Variants in PRDM16 observed in about 807,000 individuals in gnomAD.
The protein encoded by PRDM16 is histone-lysine N-methyltransferase PRDM16.
PRDM16 carries 23 observed loss-of-function variants against 110.6 expected under a neutral mutation model. That is an observed-to-expected ratio of 0.21 (90% CI 0.15 to 0.29). The LOEUF (loss-of-function observed/expected upper bound fraction) is 0.29. Ranked by LOEUF, PRDM16 falls within the 10% of genes least tolerant of loss-of-function variation. The pLI is 1.00. For synonymous variants in PRDM16, 799 were observed against 781.8 expected, an observed-to-expected ratio of 1.02 and a Z score of -0.37; for missense variants, 1,615 against 1,794.3, an observed-to-expected ratio of 0.90 and a Z score of 1.81.
intron 10 of PRDM16, 98 bp downstream of exon 10, chr1:3,414,745 C>G: frequency 2.2e-6 from 2 of 921,548 alleles, no homozygotes; most frequent in Non-Finnish European, 3.4e-6. Flanking sequence ...GAGCCTAAGT[C>G]CCCGTCCAGG....
intron 9 of PRDM16, 62 bp downstream of exon 9, chr1:3,412,862 G>A (rs1002524838): frequency 1.5e-6 from 2 of 1,325,428 alleles, no homozygotes; most frequent in Non-Finnish European, 2.0e-6. Context: ...TGCTGGGCGG[G>A]CTCAGTGCAT....
intron 1 of PRDM16, among the ~76,000 whole-genome samples, chr1:3,147,046 G>T (rs1282503393): frequency 1.2e-4 from 17 of 146,346 alleles, no homozygotes; most frequent in Admixed American, 6.1e-4. Flanking sequence ...TGGGGTGTGT[G>T]TGCACGTGTG....
In PRDM16 at chr1:3,173,202, G is replaced by A. The variant is rs141931050; in HGVS notation, c.38-12923G>A. Among the ~76,000 whole-genome samples the A allele has an allele frequency of 2.4e-3, 371 of 152,350 alleles. 3 individuals carry two copies. The highest frequency in any genetic ancestry group is 8.6e-3 in the African/African-American group (356 of 41,584). On this transcript the variant is annotated intron_variant, in intron 1 of 16. Transcript: ENST00000270722. The stretch of plus-strand genomic sequence containing the variant: ...CCGTGGCTACCTTGCTGCCCCCGGG[G>A]CTCAGGGAAGTGGTATATTAACCAA...
intron 1 of PRDM16, among the ~76,000 whole-genome samples, chr1:3,181,007 C>T (rs879901848): frequency 0.016 from 2,349 of 147,148 alleles, 60 homozygotes; most frequent in Non-Finnish European, 0.025. Flanking sequence ...ATCTTACACG[C>T]GGTCTTACAA....
rs1640266616 is a variant in PRDM16, at chr1:3,265,579, C to T, written c.438+21442C>T. ...GGTTCATGGGAAGAGGAGAAGGGGT[C>T]GTCCTGGTGGGAGAGGGAGAAGCAG... On this transcript the variant is annotated intron_variant, in intron 3 of 16. Transcript: ENST00000270722. The surrounding 1 kb of genome is among the most constrained non-coding windows in gnomAD (Gnocchi z 4.5). 6.6e-6 allele frequency among the ~76,000 whole-genome samples: 1 copy of T among 152,026 alleles called. No individual in the cohort carries two copies. Among genetic ancestry groups the T allele is most frequent in the Non-Finnish European group, 1.5e-5 (1 of 67,990 alleles).
Position 3,225,883 on chromosome 1 carries a change from C to G in PRDM16, c.388-18204C>G, listed in dbSNP as rs1205739660. Reference sequence around the variant, plus strand: ...ATGTGTGGGCACCGCACAGGCAAAGCCGGTGGCATGCTCCAATGCAAGGCC... The same window carrying G: ...ATGTGTGGGCACCGCACAGGCAAAGGCGGTGGCATGCTCCAATGCAAGGCC... On this transcript the variant is annotated intron_variant, in intron 2 of 16. Coordinates refer to ENST00000270722, the MANE Select transcript of PRDM16 (RefSeq NM_022114.4). Among the ~76,000 whole-genome samples the G allele has an allele frequency of 2.0e-5, 3 of 152,322 alleles. No homozygotes were observed. In the East Asian group the frequency reaches 5.8e-4, roughly 29 times the overall value.
At chr1:3,369,448 A>G (rs1018057227) in intron 3 of PRDM16, among the ~76,000 whole-genome samples, 1 of 152,234 alleles carries the variant, frequency 6.6e-6, no homozygotes, top group Non-Finnish European at 1.5e-5. Context: ...CAGATCATCC[A>G]GGAAGGAGCC....
intron 1 of PRDM16, among the ~76,000 whole-genome samples, chr1:3,172,631 C>A (rs1471444397): frequency 6.6e-6 from 1 of 152,192 alleles, no homozygotes; most frequent in Admixed American, 6.5e-5. Flanking sequence ...AAGGAAACGG[C>A]GACACACGCC....
In PRDM16 at chr1:3,263,017, C is replaced by T. The variant is rs534590741; in HGVS notation, c.438+18880C>T. Among the ~76,000 whole-genome samples the T allele has an allele frequency of 4.6e-5, 7 of 152,256 alleles. No individual in the cohort carries two copies. In the South Asian group the frequency reaches 1.0e-3, roughly 23 times the overall value. On this transcript the variant is annotated intron_variant, in intron 3 of 16. Coordinates refer to ENST00000270722, the MANE Select transcript of PRDM16 (RefSeq NM_022114.4). The stretch of plus-strand genomic sequence containing the variant: ...TCTGTTTCAGATGGAGGTGCCCCGG[C>T]GGATGAGGCATCGCAGGGGCACCAG...
chr1:3,192,233 C>T (rs969630333), intron 2 of PRDM16, among the ~76,000 whole-genome samples: 6 of 152,210 alleles, frequency 3.9e-5, no homozygotes, highest in African/African-American at 1.4e-4. Flanking sequence ...TGGGGATCAT[C>T]CGTGTCGCCA....
At chr1:3,111,644 C>T (rs758352428) in intron 1 of PRDM16, among the ~76,000 whole-genome samples, 6 of 152,036 alleles carry the variant, frequency 3.9e-5, no homozygotes, top group Non-Finnish European at 5.9e-5. Flanking sequence ...AGGTCAGGGG[C>T]GCACGCCCCC....
chr1:3,405,548 C>T lies in PRDM16; in HGVS notation c.1086C>T (p.Gly362=), dbSNP rs1003379939. The T allele has an allele frequency of 5.6e-6, 9 of 1,607,228 alleles. No individual in the cohort carries two copies. Among genetic ancestry groups the T allele is most frequent in the East Asian group, 2.2e-5 (1 of 44,488 alleles). ...GGCACATCCGCTCGCAGCACGTGGG[C>T]GCTCGGGCCCACGCCTGCCCCGACT... is the stretch of plus-strand genomic sequence containing the variant. ...LQRHIRSQHV[G]ARAHACPDCG... The change falls in exon 8 of 17, where the codon GGC becomes GGT. Residue 362 remains glycine (G), a synonymous_variant. Coordinates refer to ENST00000270722, the MANE Select transcript of PRDM16 (RefSeq NM_022114.4).
intron 3 of PRDM16, among the ~76,000 whole-genome samples, chr1:3,252,439 G>A (rs973171050): frequency 1.3e-5 from 2 of 151,170 alleles, no homozygotes; most frequent in Admixed American, 6.8e-5. Flanking sequence ...CCAGAAGAAG[G>A]CTCTGGGGAG....
chr1:3,235,537 C>T (rs752265919), intron 2 of PRDM16, among the ~76,000 whole-genome samples: 29 of 152,168 alleles, frequency 1.9e-4, no homozygotes, highest in African/African-American at 6.5e-4. Flanking sequence ...CCGCTCGCCC[C>T]GCTGCCTGGC....
At chr1:3,092,883 G>A (rs957150585) in intron 1 of PRDM16, among the ~76,000 whole-genome samples, 2 of 152,122 alleles carry the variant, frequency 1.3e-5, no homozygotes, top group African/African-American at 4.8e-5. Context: ...TGCAGCTGTG[G>A]CCCCTTTCCA....
At chr1:3,294,503 G>A (rs1161340861) in intron 3 of PRDM16, among the ~76,000 whole-genome samples, 1 of 152,100 alleles carries the variant, frequency 6.6e-6, no homozygotes, top group Non-Finnish European at 1.5e-5. Flanking sequence ...CCATGGGTCA[G>A]TGTCCAGCCC....
At chr1:3,164,687 G>A (rs536157202) in intron 1 of PRDM16, among the ~76,000 whole-genome samples, 29 of 152,264 alleles carry the variant, frequency 1.9e-4, no homozygotes, top group East Asian at 3.9e-4. Context: ...CGGCGTGGTC[G>A]AGCGAGGTGA....
At chr1:3,261,953 C>T (rs939221660) in intron 3 of PRDM16, among the ~76,000 whole-genome samples, 6 of 152,246 alleles carry the variant, frequency 3.9e-5, no homozygotes, top group African/African-American at 1.4e-4. Context: ...ACCCTGTCTC[C>T]TTTCCTTTTC....
chr1:3,423,463 C>T (rs963170491), intron 12 of PRDM16, among the ~76,000 whole-genome samples: 1 of 152,176 alleles, frequency 6.6e-6, no homozygotes, highest in Admixed American at 6.5e-5. Flanking sequence ...AACACCAGCC[C>T]AGGCCCCTCC....
Sources: allele counts gnomAD v4.1 joint callset (sites outside exome capture counted in the v4.1 genomes callset), GRCh38; gene constraint gnomAD v4.1.1; non-coding constraint Gnocchi (gnomAD v3.1); transcripts MANE v1.5; gene names NCBI Gene and HGNC (gene_info 2026-07-23, HGNC 2026-07-21).